The following KIF26B variants were observed in gnomAD, a reference collection of about 807,000 sequenced individuals.
KIF26B encodes the protein kinesin-like protein KIF26B.
Under a neutral mutation model 151.2 loss-of-function variants are expected in KIF26B, and 63 were observed. The ratio of observed to expected loss-of-function variants is 0.42; its 90% confidence interval spans 0.34 to 0.51. The LOEUF is 0.51. KIF26B is among the 20% of genes least tolerant of loss of function. The pLI is 0.07. For missense variants in KIF26B, 2,813 were observed against 2,913.6 expected (o/e 0.97, Z 0.79); for synonymous variants, 1,357 against 1,262.1 (o/e 1.08, Z -1.59).
rs1368388174 is a variant in KIF26B, at chr1:245,687,419, A to T, written c.4436A>T (p.Glu1479Val). 4 of 1,588,836 alleles carry T rather than the reference A, an allele frequency of 2.5e-6. No individual in the cohort carries two copies. The Admixed American group carries it at 5.4e-5, about 21-fold the overall frequency. ...AATGCTGAGACCAGAGCAGAGCAGG[A>T]GCAGGACGGAAAGCCCAGTCCGGGA... The part of the protein sequence containing the change: ...PSNAETRAEQ[E>V]QDGKPSPGDR... Residue 1479 changes from glutamate (E) to valine (V), a missense_variant, in exon 12 of 15, where the codon GAG becomes GTG. By Grantham distance (121) the Glu-to-Val change is moderately radical (BLOSUM62 -2). This residue lies in a region of KIF26B where 2,060 missense variants were observed against 2,088.6 expected (regional missense o/e 0.99). Transcript: ENST00000407071. This position sits in a 1 kb window ranked among gnomAD's most constrained non-coding sequence, Gnocchi z 4.9.
intron 3 of KIF26B, among the ~76,000 whole-genome samples, chr1:245,392,184 G>A (rs951386905): frequency 4.6e-5 from 7 of 152,230 alleles, no homozygotes; most frequent in African/African-American, 1.4e-4. Flanking sequence ...GGCCTTCGGC[G>A]TAATTACGAA....
chr1:245,290,649 C>G (rs1020716321), intron 2 of KIF26B, among the ~76,000 whole-genome samples: 1 of 152,192 alleles, frequency 6.6e-6, no homozygotes, highest in South Asian at 2.1e-4. Context: ...TTTACTGCAA[C>G]CTGTTTTATC....
At chr1:245,216,224 C>T (rs568802795) in intron 2 of KIF26B, 1 of 148,900 alleles carries the variant, frequency 6.7e-6, no homozygotes, top group African/African-American at 2.5e-5. Flanking sequence ...CACACACACA[C>T]AAAAACTTCA....
At position 245,587,889 on chromosome 1, in the gene KIF26B, A is replaced by G. The variant is rs565081239; in HGVS notation, c.1351-14688A>G. Among the ~76,000 whole-genome samples the G allele has an allele frequency of 1.1e-4, 16 of 152,310 alleles. No homozygotes were observed. The East Asian group carries it at 2.3e-3, about 22-fold the overall frequency. ...CAGGGCTGAAGAAAAGTTAACATCT[A>G]TAGTTTGGCAAGCAGCAGCTGCAAA... On this transcript the variant is annotated intron_variant, in intron 5 of 14. Transcript: ENST00000407071.
chr1:245,303,414 G>C lies in KIF26B; in HGVS notation c.466-63420G>C, dbSNP rs1258864989. 2.0e-5 allele frequency among the ~76,000 whole-genome samples: 3 copies of C among 150,584 alleles called. 1 individual carries two copies. The highest frequency in any genetic ancestry group is 7.5e-5 in the African/African-American group (3 of 40,244). On this transcript the variant is annotated intron_variant, in intron 2 of 14. Transcript: ENST00000407071. ...GGGGTTTCACCGTGTTAGCCAGGAT[G>C]GTCTCGATCTCCTGACCTCGTGATC...
chr1:245,510,576 TTCTCTCTCTCTCTCTCTC>T (rs4021193), intron 4 of KIF26B, among the ~76,000 whole-genome samples: 4 of 134,022 alleles, frequency 3.0e-5, no homozygotes, highest in Admixed American at 1.5e-4. Context: ...TTAGCAGAGC[TTCTCTCTCTCTCTCTCTC>T]TCTCTCTCTC....
chr1:245,418,279 C>G (rs949596950), intron 3 of KIF26B, among the ~76,000 whole-genome samples: 2 of 152,200 alleles, frequency 1.3e-5, no homozygotes, highest in African/African-American at 2.4e-5. Context: ...CCAGCAGCTG[C>G]CTTTGCAGCC....
chr1:245,684,502 C>G, intron 11 of KIF26B, 107 bp downstream of exon 11: 1 of 1,188,344 alleles, frequency 8.4e-7, no homozygotes, highest in Non-Finnish European at 1.2e-6. Context: ...CCCCCAGCAT[C>G]AGGAGATGTG....
intron 4 of KIF26B, among the ~76,000 whole-genome samples, chr1:245,538,913 G>A (rs1282352386): frequency 6.6e-6 from 1 of 152,032 alleles, no homozygotes; most frequent in Non-Finnish European, 1.5e-5. Flanking sequence ...GTTCATTTAG[G>A]GAGAGAATTT....
chr1:245,374,658 G>T (rs939205948), intron 3 of KIF26B, among the ~76,000 whole-genome samples: 1 of 152,116 alleles, frequency 6.6e-6, no homozygotes, highest in Non-Finnish European at 1.5e-5. Flanking sequence ...CAATTATGAC[G>T]TGGAAGAGAT....
rs575483714 is a variant in KIF26B at position 245,702,679 on chromosome 1, C to G, written c.*73C>G. On this transcript the variant is annotated 3_prime_UTR_variant, in exon 15 of 15. Transcript: ENST00000407071. This position sits in a 1 kb window ranked among gnomAD's most constrained non-coding sequence, Gnocchi z 4.1. ...GAGATGTTGCACGCCCCTAGGCCCT[C>G]TGTGCTGGGGCATCAAAGACAATGA... 1.3e-6 allele frequency: 2 copies of G among 1,498,864 alleles called. No individual in the cohort carries two copies. Among genetic ancestry groups the G allele is most frequent in the African/African-American group, 2.8e-5 (2 of 72,474 alleles). 92.8% of individuals were successfully genotyped at this position (1,498,864 alleles called of 1,614,324 possible).
intron 2 of KIF26B, among the ~76,000 whole-genome samples, chr1:245,319,832 T>C (rs753919333): frequency 3.3e-4 from 50 of 152,326 alleles, no homozygotes; most frequent in Admixed American, 1.1e-3. Flanking sequence ...TTGGAGACTA[T>C]GTGAGTGGAA....
chr1:245,535,844 A>T (rs1398677792), intron 4 of KIF26B, among the ~76,000 whole-genome samples: 2 of 152,220 alleles, frequency 1.3e-5, no homozygotes, highest in African/African-American at 4.8e-5. Flanking sequence ...AGGATCATTG[A>T]TTAGTGTACT....
rs1335912303 is a variant in KIF26B, at chr1:245,708,888, C to T, written c.*6282C>T. 1 of 152,162 alleles carries T rather than the reference C, an allele frequency of 6.6e-6. No homozygotes were observed. Among genetic ancestry groups the T allele is most frequent in the Non-Finnish European group, 1.5e-5 (1 of 68,032 alleles). 9.4% of individuals were successfully genotyped at this position (152,162 alleles called of 1,614,324 possible). On this transcript the variant is annotated 3_prime_UTR_variant, in exon 15 of 15. Coordinates refer to ENST00000407071, the MANE Select transcript of KIF26B (RefSeq NM_018012.4). The stretch of plus-strand genomic sequence containing the variant: ...ATTTGAAAAGTGGAGACAAGGTCTG[C>T]CCAGGTGCATTTATTGTGCCAGAAA...
chr1:245,268,195 C>T (rs1336822080), intron 2 of KIF26B, among the ~76,000 whole-genome samples: 2 of 151,894 alleles, frequency 1.3e-5, no homozygotes, highest in Non-Finnish European at 2.9e-5. Flanking sequence ...ACAGGCCTGG[C>T]GCGGTGGCTC....
chr1:245,315,542 T>C (rs1405034351), intron 2 of KIF26B, among the ~76,000 whole-genome samples: 1 of 151,534 alleles, frequency 6.6e-6, no homozygotes, highest in Non-Finnish European at 1.5e-5. Context: ...GCCAATGTGG[T>C]GAAACCCCGT....
rs1272543569 is a variant in KIF26B at position 245,687,302 on chromosome 1, C to T, written c.4319C>T (p.Pro1440Leu). ...SAKKEMKFED[P>L]WLKREEEVKK... ...AAGAAAGAGATGAAATTTGAGGACC[C>T]GTGGCTGAAACGAGAAGAGGAAGTG... The change falls in exon 12 of 15, where the codon CCG becomes CTG. Residue 1440 changes from proline (P) to leucine (L), a missense_variant. Coordinates refer to ENST00000407071, the MANE Select transcript of KIF26B (RefSeq NM_018012.4). This position sits in a 1 kb window ranked among gnomAD's most constrained non-coding sequence, Gnocchi z 4.9. 5.0e-6 allele frequency: 8 copies of T among 1,606,360 alleles called. No individual in the cohort carries two copies. The highest frequency in any genetic ancestry group is 4.5e-5 in the East Asian group (2 of 44,592).
chr1:245,684,365 A>C lies in KIF26B; in HGVS notation c.2391A>C (p.Arg797Ser), dbSNP rs2044480764. ...TGTCCACCATCCAGATTGCATCGAG[A>C]GTCTTGAGGATGAAGAAAAAGAAGA... The part of the protein sequence containing the change: ...ETLSTIQIAS[R>S]VLRMKKKKTK... The change falls in exon 11 of 15, where the codon AGA (arginine) becomes AGC (serine). Residue 797 changes from arginine (R) to serine (S), a missense_variant. By Grantham distance (110) the Arg-to-Ser change is moderately radical. This residue lies in a region of KIF26B where 2,060 missense variants were observed against 2,088.6 expected (regional missense o/e 0.99). Coordinates refer to ENST00000407071, the MANE Select transcript of KIF26B (RefSeq NM_018012.4). The C allele has an allele frequency of 6.2e-7, 1 of 1,612,496 alleles. No individual in the cohort carries two copies. The highest frequency in any genetic ancestry group is 1.3e-5 in the African/African-American group (1 of 74,872).
Position 245,356,820 on chromosome 1 carries a change from G to C in KIF26B, c.466-10014G>C, listed in dbSNP as rs531309537. On this transcript the variant is annotated intron_variant, in intron 2 of 14. Coordinates refer to ENST00000407071, the MANE Select transcript of KIF26B (RefSeq NM_018012.4). Reference sequence around the variant, plus strand: ...GTAGTTAGAAGGTGGCCATGCTGTAGAGAGAATTAAAGCAGAGAAAGGTGG... The same window carrying C: ...GTAGTTAGAAGGTGGCCATGCTGTACAGAGAATTAAAGCAGAGAAAGGTGG... 1.2e-4 allele frequency among the ~76,000 whole-genome samples: 18 copies of C among 152,332 alleles called. No homozygotes were observed. In the South Asian group the frequency reaches 3.7e-3, roughly 32 times the overall value.
Sources: allele counts gnomAD v4.1 joint callset (sites outside exome capture counted in the v4.1 genomes callset), GRCh38; gene constraint gnomAD v4.1.1; regional missense constraint gnomAD v4.1.1; non-coding constraint Gnocchi (gnomAD v3.1); transcripts MANE v1.5; gene names NCBI Gene and HGNC (gene_info 2026-07-23, HGNC 2026-07-21).